The following CFAP210 variants were observed in gnomAD, a reference collection of about 807,000 sequenced individuals.
The protein encoded by CFAP210 is cilia and flagella associated protein 210, also known as cilia- and flagella- associated protein 210.
chr2:169,675,558 G>A, the CFAP210 span, among the ~76,000 whole-genome samples: 1 of 152,100 alleles, frequency 6.6e-6, no homozygotes, highest in African/African-American at 2.4e-5. Context: ...TCACTATTTC[G>A]AGGACAGTAC....
chr2:169,682,969 T>C, the CFAP210 span, among the ~76,000 whole-genome samples: 1 of 152,210 alleles, frequency 6.6e-6, no homozygotes, highest in Non-Finnish European at 1.5e-5. Flanking sequence ...TTATTATTTT[T>C]ACTATTAGTA....
At chr2:169,685,773 A>G in the CFAP210 span, among the ~76,000 whole-genome samples, 7 of 143,566 alleles carry the variant, frequency 4.9e-5, no homozygotes, top group Admixed American at 3.5e-4. Context: ...TTTCAAACTA[A>G]TATTTGTATG....
At chr2:169,692,353 T>C in the CFAP210 span, among the ~76,000 whole-genome samples, 6 of 151,974 alleles carry the variant, frequency 3.9e-5, no homozygotes, top group Non-Finnish European at 5.9e-5. Context: ...AGTATCGAGG[T>C]GCCAGCATCT....
chr2:169,675,870 C>T, the CFAP210 span, among the ~76,000 whole-genome samples: 5 of 152,270 alleles, frequency 3.3e-5, no homozygotes, highest in South Asian at 1.0e-3. Context: ...TCTTCTATAA[C>T]TCTGAGGCCT....
chr2:169,684,987 A>G, the CFAP210 span, among the ~76,000 whole-genome samples: 1 of 152,144 alleles, frequency 6.6e-6, no homozygotes, highest in Non-Finnish European at 1.5e-5. Flanking sequence ...GTAATATTCC[A>G]TTCTATAGAA....
the CFAP210 span, chr2:169,674,883 C>G: frequency 6.6e-7 from 1 of 1,516,548 alleles, no homozygotes; most frequent in Non-Finnish European, 8.8e-7. Context: ...GTTTTTCACT[C>G]TTTCTGTCTG....
the CFAP210 span, among the ~76,000 whole-genome samples, chr2:169,659,843 G>A: frequency 6.6e-6 from 1 of 152,252 alleles, no homozygotes; most frequent in Non-Finnish European, 1.5e-5. Context: ...TTATTGGTCT[G>A]TTCAGGTTTT....
the CFAP210 span, chr2:169,645,976 C>T: frequency 1.2e-6 from 2 of 1,613,956 alleles, no homozygotes; most frequent in South Asian, 2.2e-5. Context: ...TGTCCACAAA[C>T]ACTGGTCCAC....
chr2:169,649,088 T>TTTTTTTTTAA, the CFAP210 span: 1 of 1,097,982 alleles, frequency 9.1e-7, no homozygotes, highest in Non-Finnish European at 1.3e-6. Flanking sequence ...ATTTTTTTCT[T>TTTTTTTTTAA]ACCTGATGAA....
the CFAP210 span, among the ~76,000 whole-genome samples, chr2:169,662,023 G>A: frequency 1.3e-5 from 2 of 152,226 alleles, no homozygotes; most frequent in African/African-American, 4.8e-5. Context: ...ATAGCCTAGT[G>A]GGGGGACTAT....
At chr2:169,672,676 G>T in the CFAP210 span, among the ~76,000 whole-genome samples, 61,254 of 151,984 alleles carry the variant, frequency 0.4, 12,662 homozygotes, top group Non-Finnish European at 0.43. Context: ...GCAAGCAAGA[G>T]TAGCCTACCT....
the CFAP210 span, among the ~76,000 whole-genome samples, chr2:169,678,018 A>G: frequency 6.6e-6 from 1 of 152,166 alleles, no homozygotes; most frequent in African/African-American, 2.4e-5. Context: ...AAACCTATAT[A>G]CTGAAAACTA....
the CFAP210 span, among the ~76,000 whole-genome samples, chr2:169,688,370 T>C: frequency 6.6e-6 from 1 of 152,248 alleles, no homozygotes; most frequent in African/African-American, 2.4e-5. Context: ...CTTTTGAAAC[T>C]GAATGCTCTT....
At chr2:169,675,443 G>A in the CFAP210 span, among the ~76,000 whole-genome samples, 30 of 152,258 alleles carry the variant, frequency 2.0e-4, no homozygotes, top group Admixed American at 1.2e-3. Flanking sequence ...CAATTGTGGC[G>A]GAAGGCAAAG....
the CFAP210 span, among the ~76,000 whole-genome samples, chr2:169,681,603 T>C: frequency 6.6e-6 from 1 of 152,170 alleles, no homozygotes; most frequent in Admixed American, 6.5e-5. Context: ...GATAACTTTG[T>C]GGGTGGGTGT....
chr2:169,690,244 TTGTC>T, the CFAP210 span, among the ~76,000 whole-genome samples: 9 of 152,220 alleles, frequency 5.9e-5, no homozygotes, highest in Non-Finnish European at 1.3e-4. Context: ...TGTGATATCT[TTGTC>T]TGATGTTGGT....
chr2:169,665,317 A>G, the CFAP210 span, among the ~76,000 whole-genome samples: 12 of 152,156 alleles, frequency 7.9e-5, no homozygotes, highest in Non-Finnish European at 1.6e-4. Context: ...GACTGGTCTC[A>G]CTCTGTCATC....
chr2:169,654,536 G>T, the CFAP210 span, among the ~76,000 whole-genome samples: 1 of 152,088 alleles, frequency 6.6e-6, no homozygotes, highest in African/African-American at 2.4e-5. Flanking sequence ...TCAATAAGTA[G>T]GTGGGGGAAA....
the CFAP210 span, among the ~76,000 whole-genome samples, chr2:169,683,792 C>T: frequency 6.6e-6 from 1 of 152,026 alleles, no homozygotes; most frequent in Non-Finnish European, 1.5e-5. Context: ...TCAAATAGAT[C>T]TTTTCATGGA....
Sources: allele counts gnomAD v4.1 joint callset (sites outside exome capture counted in the v4.1 genomes callset), GRCh38; gene constraint gnomAD v4.1.1; transcripts MANE v1.5; gene names NCBI Gene and HGNC (gene_info 2026-07-23, HGNC 2026-07-21).